Variants in FUT8 observed in about 807,000 individuals in gnomAD.
FUT8 encodes the protein alpha-(1,6)-fucosyltransferase.
FUT8 carries 29 observed loss-of-function variants against 71.3 expected under a neutral mutation model. The ratio of observed to expected loss-of-function variants is 0.41; its 90% confidence interval spans 0.30 to 0.55. The LOEUF is 0.55. Among genes scored for constraint, FUT8 ranks in the 20% least tolerant of loss-of-function variants. FUT8 has a pLI of 0.34. For missense variants in FUT8, 544 were observed against 702.1 expected (o/e 0.77, Z 2.55); for synonymous variants, 254 against 239.3 (o/e 1.06, Z -0.57).
intron 2 of FUT8, among the ~76,000 whole-genome samples, chr14:65,466,521 G>T (rs1474049701): frequency 6.6e-6 from 1 of 152,124 alleles, no homozygotes; most frequent in East Asian, 1.9e-4. Context: ...AGGCCAAGGC[G>T]GGTGGATCAC....
intron 9 of FUT8, among the ~76,000 whole-genome samples, chr14:65,725,097 A>G (rs1322517085): frequency 6.6e-6 from 1 of 152,256 alleles, no homozygotes; most frequent in Non-Finnish European, 1.5e-5. Context: ...CTGAACACAT[A>G]TGTAGAGTTT....
intron 7 of FUT8, among the ~76,000 whole-genome samples, chr14:65,692,996 G>A (rs980494340): frequency 2.0e-5 from 3 of 151,620 alleles, no homozygotes; most frequent in Non-Finnish European, 4.4e-5. Context: ...GATGGCGGCC[G>A]GGCAGAGATG....
intron 1 of FUT8, among the ~76,000 whole-genome samples, chr14:65,428,823 T>A (rs915603197): frequency 1.3e-5 from 2 of 152,218 alleles, no homozygotes; most frequent in Non-Finnish European, 2.9e-5. Context: ...ATATGCTGTT[T>A]TAGTTTTTTG....
At chr14:65,555,523 A>G (rs1482358350) in intron 2 of FUT8, among the ~76,000 whole-genome samples, 1 of 152,118 alleles carries the variant, frequency 6.6e-6, no homozygotes, top group African/African-American at 2.4e-5. Context: ...TCTTTAGTAT[A>G]ATGACCTGCA....
chr14:65,608,623 G>A (rs1295465222), intron 3 of FUT8, among the ~76,000 whole-genome samples: 3 of 151,888 alleles, frequency 2.0e-5, no homozygotes, highest in Non-Finnish European at 4.4e-5. Flanking sequence ...TTATTTGGGA[G>A]AATAATTTTT....
At chr14:65,492,628 C>G (rs1252193744) in intron 2 of FUT8, among the ~76,000 whole-genome samples, 1 of 152,096 alleles carries the variant, frequency 6.6e-6, no homozygotes, top group South Asian at 2.1e-4. Context: ...AGTTAAACTC[C>G]TTTAAATTTA....
the FUT8 span, among the ~76,000 whole-genome samples, chr14:65,403,314 G>T: frequency 6.6e-6 from 1 of 152,210 alleles, no homozygotes; most frequent in East Asian, 1.9e-4. Flanking sequence ...GTTTCCCAAG[G>T]TCTCACAGCT....
upstream of FUT8, among the ~76,000 whole-genome samples, chr14:65,405,904 C>A (rs1436828961): frequency 6.6e-6 from 1 of 152,176 alleles, no homozygotes; most frequent in Non-Finnish European, 1.5e-5. Flanking sequence ...GGTTCATTGT[C>A]CCATCTTGGG....
At chr14:65,622,913 T>G (rs1162967050) in intron 5 of FUT8, among the ~76,000 whole-genome samples, 1 of 149,358 alleles carries the variant, frequency 6.7e-6, no homozygotes, top group Non-Finnish European at 1.5e-5. Context: ...CTTCTCTGTT[T>G]TTTTTTTTTT....
intron 2 of FUT8, among the ~76,000 whole-genome samples, chr14:65,531,345 A>G (rs1179654662): frequency 6.6e-6 from 1 of 151,970 alleles, no homozygotes; most frequent in African/African-American, 2.4e-5. Context: ...TCTGATTATT[A>G]TATGTCTATG....
intron 1 of FUT8, among the ~76,000 whole-genome samples, chr14:65,417,180 C>G (rs924533183): frequency 6.6e-6 from 1 of 152,092 alleles, no homozygotes; most frequent in Non-Finnish European, 1.5e-5. Context: ...GTCTTGAACT[C>G]CTGACCTCAA....
intron 9 of FUT8, among the ~76,000 whole-genome samples, chr14:65,725,904 T>G (rs1226488632): frequency 6.6e-6 from 1 of 152,256 alleles, no homozygotes; most frequent in Admixed American, 6.5e-5. Flanking sequence ...ATTTAAATCC[T>G]CTTTCTACCT....
intron 2 of FUT8, among the ~76,000 whole-genome samples, chr14:65,525,565 G>A (rs1190891144): frequency 6.6e-6 from 1 of 151,948 alleles, no homozygotes; most frequent in Non-Finnish European, 1.5e-5. Context: ...CTATCTCTCA[G>A]TTCTGCTCTG....
intron 7 of FUT8, among the ~76,000 whole-genome samples, chr14:65,714,251 A>G (rs1204333473): frequency 2.0e-5 from 3 of 152,058 alleles, no homozygotes; most frequent in Admixed American, 2.0e-4. Context: ...TGCTAGAGCC[A>G]TGCTGTTTTG....
the FUT8 span, among the ~76,000 whole-genome samples, chr14:65,365,381 A>T: frequency 6.6e-6 from 1 of 151,316 alleles, no homozygotes; most frequent in Admixed American, 6.6e-5. Context: ...ACAAATAATT[A>T]TTGAGCATCT....
intron 3 of FUT8, among the ~76,000 whole-genome samples, chr14:65,612,628 C>A (rs1889058988): frequency 6.6e-6 from 1 of 152,196 alleles, no homozygotes; most frequent in African/African-American, 2.4e-5. Context: ...ACTCTTAGCT[C>A]CATTTCTTCA....
intron 2 of FUT8, among the ~76,000 whole-genome samples, chr14:65,499,132 C>T (rs1001748958): frequency 6.6e-6 from 1 of 152,158 alleles, no homozygotes; most frequent in African/African-American, 2.4e-5. Flanking sequence ...CCAGGCTGGC[C>T]TGAAACTCCT....
At chr14:65,441,949 C>T (rs908666230) in intron 1 of FUT8, among the ~76,000 whole-genome samples, 1 of 151,976 alleles carries the variant, frequency 6.6e-6, no homozygotes, top group African/African-American at 2.4e-5. Flanking sequence ...CCCTCCTCCT[C>T]CCACAACCCC....
intron 3 of FUT8, among the ~76,000 whole-genome samples, chr14:65,599,074 T>C (rs775431337): frequency 6.6e-5 from 10 of 151,990 alleles, no homozygotes; most frequent in East Asian, 1.9e-4. Context: ...CAGGTGTGAG[T>C]CACCACGCCT....
Sources: gnomAD v4.1 joint callset for allele counts (sites outside exome capture counted in the v4.1 genomes callset) on GRCh38, gnomAD v4.1.1 for gene constraint, MANE v1.5 for transcripts, NCBI Gene and HGNC (gene_info 2026-07-23, HGNC 2026-07-21) for gene names.